STRBP: variants seen among roughly 807,000 people sequenced by gnomAD.
The protein encoded by STRBP is spermatid perinuclear RNA binding protein.
A neutral mutation model predicts 80.1 loss-of-function variants in STRBP; 13 were observed. The observed-to-expected ratio is 0.16, with a 90% CI of 0.11 to 0.26. The LOEUF is 0.26. STRBP is among the 10% of genes least tolerant of loss of function. The pLI, the probability that STRBP is intolerant of heterozygous loss-of-function variation, is 1.00. For synonymous variants in STRBP, 284 were observed against 291.2 expected (o/e 0.98, Z 0.25); for missense variants, 485 against 815.2 (o/e 0.59, Z 4.93).
At chr9:123,158,263 G>C (rs1346411841) in intron 10 of STRBP, 69 bp downstream of exon 10, 1 of 1,564,064 alleles carries the variant, frequency 6.4e-7, no homozygotes, top group Non-Finnish European at 8.8e-7. Flanking sequence ...AAAAGTGTTT[G>C]AACACAATTG....
chr9:123,235,508 GAA>G (rs200275946), intron 2 of STRBP, among the ~76,000 whole-genome samples: 3,550 of 76,960 alleles, frequency 0.046, 84 homozygotes, highest in African/African-American at 0.076. Context: ...GCAACTTCAG[GAA>G]AAAAAAAAAA....
At chr9:123,237,273 A>G (rs150942669) in intron 1 of STRBP, among the ~76,000 whole-genome samples, 44 of 152,070 alleles carry the variant, frequency 2.9e-4, no homozygotes, top group African/African-American at 1.0e-3. Flanking sequence ...ACCAAAATCC[A>G]CCCTGTTTCT....
At chr9:123,160,267 C>G (rs902940419) in intron 8 of STRBP, 100 bp downstream of exon 8, 11 of 707,698 alleles carry the variant, frequency 1.6e-5, no homozygotes, top group Non-Finnish European at 1.9e-5. Flanking sequence ...CATGCCTTAG[C>G]TAACTTAGGA....
In STRBP at chr9:123,136,029, G is replaced by C; in HGVS notation, c.1773+12C>G. On this transcript the variant is annotated intron_variant, in intron 16 of 18. Coordinates refer to ENST00000348403, the MANE Select transcript of STRBP (RefSeq NM_018387.5). The surrounding 1 kb of genome is among the most constrained non-coding windows in gnomAD (Gnocchi z 4.2). ...TTCACAGGTTCTGCAAAGGTTTAAT[G>C]TTTACTCATACCTGAGGGATAATCT... 6.2e-7 allele frequency: 1 copy of C among 1,613,796 alleles called. No homozygotes were observed. The highest frequency in any genetic ancestry group is 2.2e-5 in the East Asian group (1 of 44,880).
chr9:123,254,750 G>C (rs1480790880), intron 1 of STRBP, among the ~76,000 whole-genome samples: 2 of 151,994 alleles, frequency 1.3e-5, no homozygotes, highest in African/African-American at 2.4e-5. Context: ...ATCCTAAATA[G>C]GAAAATTTTC....
At position 123,136,745 on chromosome 9, in the gene STRBP, T is replaced by G. The variant is rs1425297223; in HGVS notation, c.1498-230A>C. Among the ~76,000 whole-genome samples the G allele has an allele frequency of 6.6e-6, 1 of 152,118 alleles. No individual in the cohort carries two copies. The highest frequency in any genetic ancestry group is 1.5e-5 in the Non-Finnish European group (1 of 68,032). ...GGCCAGCCTTCCTTCGAAGCAGTAT[T>G]CAAGACCAATCAATGCAACCTCACC... On this transcript the variant is annotated intron_variant, in intron 14 of 18. Transcript: ENST00000348403. The surrounding 1 kb of genome is among the most constrained non-coding windows in gnomAD (Gnocchi z 4.2).
At chr9:123,117,103 C>G (rs1235554620), downstream of STRBP, among the ~76,000 whole-genome samples, 1 of 152,136 alleles carries the variant, frequency 6.6e-6, no homozygotes, top group Admixed American at 6.5e-5. Flanking sequence ...GCCACCAGTA[C>G]AGCAAGTCAT....
At chr9:123,250,984 T>C (rs1275568303) in intron 1 of STRBP, among the ~76,000 whole-genome samples, 1 of 152,050 alleles carries the variant, frequency 6.6e-6, no homozygotes, top group African/African-American at 2.4e-5. Context: ...TTTTTTTAAT[T>C]AGCCAGGTCT....
chr9:123,227,926 A>T (rs2132571507), intron 2 of STRBP, among the ~76,000 whole-genome samples: 1 of 152,296 alleles, frequency 6.6e-6, no homozygotes, highest in Admixed American at 6.5e-5. Context: ...AGGTAAACAT[A>T]CAGCAGAGGA....
At chr9:123,155,845 C>T (rs565380188) in intron 11 of STRBP, among the ~76,000 whole-genome samples, 3 of 151,256 alleles carry the variant, frequency 2.0e-5, no homozygotes, top group African/African-American at 7.3e-5. Context: ...AGGAAATCAC[C>T]GAGAATAACA....
intron 2 of STRBP, among the ~76,000 whole-genome samples, chr9:123,200,043 C>T (rs1020341173): frequency 6.6e-6 from 1 of 152,250 alleles, no homozygotes; most frequent in Middle Eastern, 3.4e-3. Context: ...TAGGTCCCTT[C>T]CATGCCTACT....
chr9:123,262,961 T>C (rs2041189288), intron 1 of STRBP, among the ~76,000 whole-genome samples: 1 of 152,254 alleles, frequency 6.6e-6, no homozygotes, highest in African/African-American at 2.4e-5. Context: ...ACTTTACTTC[T>C]ATTTTAACTG....
intron 1 of STRBP, among the ~76,000 whole-genome samples, chr9:123,263,123 A>T (rs1482412917): frequency 6.6e-6 from 1 of 152,226 alleles, no homozygotes; most frequent in Non-Finnish European, 1.5e-5. Context: ...TATGCAAAAC[A>T]AATGAAAACA....
intron 6 of STRBP, among the ~76,000 whole-genome samples, chr9:123,163,707 T>C (rs959577013): frequency 1.3e-5 from 2 of 152,202 alleles, no homozygotes; most frequent in Non-Finnish European, 2.9e-5. Context: ...TAATTAATAA[T>C]ATACAGTTTT....
intron 2 of STRBP, among the ~76,000 whole-genome samples, chr9:123,229,273 C>A (rs954278159): frequency 6.6e-6 from 1 of 152,020 alleles, no homozygotes; most frequent in African/African-American, 2.4e-5. Flanking sequence ...AATGGATGCA[C>A]GACTCTGTAA....
In STRBP at chr9:123,110,546, G is replaced by A. The variant is rs193216554; in HGVS notation, c.*85-793C>T. ...GTCCAAGGATGCTTTGGGGAAAACG[G>A]GATAAACACTGCTAGGAGCTAAAAA... On this transcript the variant is annotated intron_variant and NMD_transcript_variant, in intron 3 of 3. Transcript: ENST00000471564. The surrounding 1 kb of genome is among the most constrained non-coding windows in gnomAD (Gnocchi z 4.1). The A allele has an allele frequency of 6.4e-4, 109 of 169,546 alleles. No individual in the cohort carries two copies. Among genetic ancestry groups the A allele is most frequent in the African/African-American group, 2.5e-3 (106 of 41,632 alleles). The allele number at this position is 169,546 out of a possible 1,614,324, so 10.5% of individuals were successfully genotyped here.
chr9:123,123,846 T>C lies in STRBP; in HGVS notation c.*1751A>G. On this transcript the variant is annotated 3_prime_UTR_variant, in exon 19 of 19. Transcript: ENST00000348403. ...TGCTTTTTCTTCTCAGTGATGGCTC[T>C]GTTTCATCCATAGGTCAGCAAAACG... is the stretch of plus-strand genomic sequence containing the variant. 1.0e-6 allele frequency: 1 copy of C among 985,452 alleles called. No individual in the cohort carries two copies. The allele number at this position is 985,452 out of a possible 1,614,324, so 61.0% of individuals were successfully genotyped here. A position where few individuals can be genotyped will look rare whatever the true frequency, so the allele number is the denominator to read the frequency against.
At chr9:123,268,129 G>A (rs2041317129) in intron 1 of STRBP, among the ~76,000 whole-genome samples, 1 of 149,286 alleles carries the variant, frequency 6.7e-6, no homozygotes, top group Non-Finnish European at 1.5e-5. Context: ...CCCCAACCCT[G>A]CCCACGCCCT....
chr9:123,184,758 T>C (rs950314127), intron 2 of STRBP, among the ~76,000 whole-genome samples: 4 of 152,186 alleles, frequency 2.6e-5, no homozygotes, highest in Non-Finnish European at 5.9e-5. Flanking sequence ...CATTAAAGAG[T>C]ACATGTTGGC....
Sources: gnomAD v4.1 joint callset for allele counts (sites outside exome capture counted in the v4.1 genomes callset) on GRCh38, gnomAD v4.1.1 for gene constraint, Gnocchi (gnomAD v3.1) non-coding constraint, MANE v1.5 for transcripts, NCBI Gene and HGNC (gene_info 2026-07-23, HGNC 2026-07-21) for gene names.